WDFY4: variants seen among roughly 807,000 people sequenced by gnomAD.
WDFY4 encodes the protein WDFY family member 4, also known as WD repeat- and FYVE domain-containing protein 4.
WDFY4 carries 169 observed loss-of-function variants against 351.9 expected under a neutral mutation model. The observed-to-expected ratio is 0.48, with a 90% CI of 0.42 to 0.55. The LOEUF is 0.55. WDFY4 is among the 20% of genes least tolerant of loss of function. WDFY4 has a pLI of 0.00. For missense variants in WDFY4, 3,803 were observed against 3,935.6 expected (o/e 0.97, Z 0.90); for synonymous variants, 1,622 against 1,574.6 (o/e 1.03, Z -0.71).
chr10:48,896,428 G>A lies in WDFY4; in HGVS notation c.7317-1026G>A, dbSNP rs764243472. 1.7e-4 allele frequency among the ~76,000 whole-genome samples: 26 copies of A among 152,264 alleles called. No individual in the cohort carries two copies. The South Asian group carries it at 2.1e-3, about 12-fold the overall frequency. ...GAGCCAGATAGCTCTCAGGGCTGCC[G>A]AAGATGTCAGGGAGACAGGCCAAGG... On this transcript the variant is annotated intron_variant, in intron 44 of 61. Coordinates refer to ENST00000325239, the MANE Select transcript of WDFY4 (RefSeq NM_001394531.1).
chr10:48,870,780 C>A (rs761091324), intron 40 of WDFY4, among the ~76,000 whole-genome samples: 5 of 152,140 alleles, frequency 3.3e-5, no homozygotes, highest in Non-Finnish European at 5.9e-5. Context: ...CCTGGGCCAC[C>A]TGTAACTTGC....
intron 14 of WDFY4, among the ~76,000 whole-genome samples, chr10:48,775,390 C>A (rs2065998686): frequency 6.6e-6 from 1 of 152,236 alleles, no homozygotes; most frequent in Non-Finnish European, 1.5e-5. Context: ...GCGGGCACGA[C>A]AGCTGCCAGA....
intron 47 of WDFY4, among the ~76,000 whole-genome samples, chr10:48,913,085 C>A (rs968491583): frequency 1.3e-5 from 2 of 152,172 alleles, no homozygotes; most frequent in African/African-American, 4.8e-5. Context: ...GCTTAGGCCA[C>A]AGTGGTAGAC....
intron 47 of WDFY4, among the ~76,000 whole-genome samples, chr10:48,917,469 A>G (rs1838656136): frequency 6.6e-6 from 1 of 152,226 alleles, no homozygotes; most frequent in Admixed American, 6.5e-5. Flanking sequence ...AACTGCTCCA[A>G]ATTAAAGAAA....
At chr10:48,807,044 C>G (rs1256636979) in intron 27 of WDFY4, among the ~76,000 whole-genome samples, 3 of 152,132 alleles carry the variant, frequency 2.0e-5, no homozygotes, top group Admixed American at 1.3e-4. Context: ...ATTTTGCAGA[C>G]TAAGAAATTT....
intron 24 of WDFY4, among the ~76,000 whole-genome samples, 183 bp from the exon 25 acceptor site, chr10:48,803,103 C>G (rs765622785): frequency 2.0e-5 from 3 of 152,120 alleles, no homozygotes; most frequent in Non-Finnish European, 4.4e-5. Context: ...GAAGGCCTTC[C>G]TACAGGGGAG....
chr10:48,819,255 C>T (rs142654826), intron 32 of WDFY4, among the ~76,000 whole-genome samples: 21 of 152,320 alleles, frequency 1.4e-4, no homozygotes, highest in African/African-American at 3.6e-4. Context: ...CCTTTTTCAG[C>T]GCTCCAAGTC....
chr10:48,943,432 G>T lies in WDFY4; in HGVS notation c.7732G>T (p.Ala2578Ser), dbSNP rs1382032378. 5.8e-6 allele frequency: 9 copies of T among 1,551,692 alleles called. No homozygotes were observed. The highest frequency in any genetic ancestry group is 1.4e-5 in the African/African-American group (1 of 73,034). The change falls in exon 49 of 62, where the codon GCA (alanine) becomes TCA (serine). Residue 2578 changes from alanine (A) to serine (S), a missense_variant. Ala to Ser is a moderately conservative substitution (Grantham distance 99, BLOSUM62 1). Coordinates refer to ENST00000325239, the MANE Select transcript of WDFY4 (RefSeq NM_001394531.1). ...MQYPVFPWVL[A>S]DYTSETLNLA... The stretch of plus-strand genomic sequence containing the variant: ...GTACCCAGTGTTCCCCTGGGTCCTC[G>T]CAGACTACACCTCAGAGGTAAGTTC...
At chr10:48,772,252 T>C (rs758044478) in intron 13 of WDFY4, among the ~76,000 whole-genome samples, 1 of 152,086 alleles carries the variant, frequency 6.6e-6, no homozygotes, top group Non-Finnish European at 1.5e-5. Context: ...CCGGAGCCCC[T>C]GGGATTCTGA....
At chr10:48,931,934 C>T (rs115637029) in intron 47 of WDFY4, among the ~76,000 whole-genome samples, 21 of 152,296 alleles carry the variant, frequency 1.4e-4, no homozygotes, top group African/African-American at 4.6e-4. Flanking sequence ...ATAGGATGGC[C>T]ACCCACATGT....
Position 48,890,679 on chromosome 10 carries a change from C to T in WDFY4, c.7268C>T (p.Thr2423Ile), listed in dbSNP as rs1040587352. 1 of 1,551,714 alleles carries T rather than the reference C, an allele frequency of 6.4e-7. No homozygotes were observed. The highest frequency in any genetic ancestry group is 8.7e-7 in the Non-Finnish European group (1 of 1,146,988). The change falls in exon 44 of 62, where the codon ACA (threonine) becomes ATA (isoleucine). Residue 2423 changes from threonine (T) to isoleucine (I), a missense_variant. Around this residue, in one of 3 missense-constraint regions of WDFY4, gnomAD observed 3,054 missense variants for 3,148.6 expected, o/e 0.97. Transcript: ENST00000325239. ...CACTTCTACATCTGCGAGAACTTCA[C>T]ACTGTCTCCCACGGGTGATGTCTAC... is the stretch of plus-strand genomic sequence containing the variant. ...HQHFYICENF[T>I]LSPTGDVYCT... is the part of the protein sequence containing the mutation.
At chr10:48,767,631 G>A (rs992545493) in intron 13 of WDFY4, among the ~76,000 whole-genome samples, 1 of 152,172 alleles carries the variant, frequency 6.6e-6, no homozygotes, top group Non-Finnish European at 1.5e-5. Context: ...AAATGGGGAG[G>A]AGAAGGGTCC....
At chr10:48,957,405 G>A (rs1841647766) in intron 52 of WDFY4, 123 bp downstream of exon 52, 3 of 1,254,174 alleles carry the variant, frequency 2.4e-6, no homozygotes, top group Non-Finnish European at 3.3e-6. Flanking sequence ...TCAACTTCGG[G>A]TGAGGTCTCC....
chr10:48,963,569 T>C (rs1841954067), intron 53 of WDFY4, among the ~76,000 whole-genome samples: 3 of 152,148 alleles, frequency 2.0e-5, no homozygotes, highest in South Asian at 4.2e-4. Flanking sequence ...ACCTCATAGA[T>C]ACTGTGGACA....
intron 25 of WDFY4, among the ~76,000 whole-genome samples, chr10:48,804,278 C>T (rs10857649): frequency 0.051 from 7,722 of 152,264 alleles, 246 homozygotes; most frequent in Middle Eastern, 0.082. Context: ...CACTCATCCA[C>T]TTAATGAACA....
At position 48,764,264 on chromosome 10, in the gene WDFY4, C is replaced by T. The variant is rs577612620; in HGVS notation, c.2553+3824C>T. Among the ~76,000 whole-genome samples, 6 of 152,316 alleles carry T rather than the reference C, an allele frequency of 3.9e-5. No individual in the cohort carries two copies. The East Asian group carries it at 9.6e-4, about 24-fold the overall frequency. On this transcript the variant is annotated intron_variant, in intron 13 of 61. Coordinates refer to ENST00000325239, the MANE Select transcript of WDFY4 (RefSeq NM_001394531.1). ...ACATTTGTTCTGTGGTCCTTTCGTT[C>T]CAGAGGTTCTTTTCCCCTCCAAAAT...
chr10:48,687,611 CTTTT>C (rs57413418), intron 1 of WDFY4, among the ~76,000 whole-genome samples: 6,081 of 101,286 alleles, frequency 0.06, 105 homozygotes, highest in South Asian at 0.1. Flanking sequence ...ATAGGCCATT[CTTTT>C]TTTTTTTTTT....
chr10:48,910,254 G>A lies in WDFY4; in HGVS notation c.7586+8391G>A, dbSNP rs753895079. Reference sequence around the variant, plus strand: ...CAGCTACTCTAGGAAGATGTCAAGCGTATTCTGGGGATGGAGACACAAGAA... The same window carrying A: ...CAGCTACTCTAGGAAGATGTCAAGCATATTCTGGGGATGGAGACACAAGAA... On this transcript the variant is annotated intron_variant, in intron 47 of 61. Transcript: ENST00000325239. 1.1e-5 allele frequency: 17 copies of A among 1,612,146 alleles called. No individual in the cohort carries two copies. The highest frequency in any genetic ancestry group is 5.5e-5 in the South Asian group (5 of 91,050).
At position 48,785,701 on chromosome 10, in the gene WDFY4, T is replaced by G. The variant is rs537457894; in HGVS notation, c.3577-938T>G. ...TCTGTTCCATCGATCTATGTGGTTA[T>G]CTTTATACCAATGTCACACTATATT... On this transcript the variant is annotated intron_variant, in intron 19 of 61. Transcript: ENST00000325239. Among the ~76,000 whole-genome samples, 293 of 152,340 alleles carry G rather than the reference T, an allele frequency of 1.9e-3. 1 individual carries two copies. The highest frequency in any genetic ancestry group is 2.4e-3 in the Non-Finnish European group (166 of 68,026).
Sources: allele counts gnomAD v4.1 joint callset (sites outside exome capture counted in the v4.1 genomes callset), GRCh38; gene constraint gnomAD v4.1.1; regional missense constraint gnomAD v4.1.1; transcripts MANE v1.5; gene names NCBI Gene and HGNC (gene_info 2026-07-23, HGNC 2026-07-21).